SEC24B: variants seen among roughly 807,000 people sequenced by gnomAD.
SEC24B encodes the protein SEC24 homolog B, COPII component.
In SEC24B, 45 loss-of-function variants were observed where a neutral mutation model predicts 142.8. The ratio of observed to expected loss-of-function variants is 0.32; its 90% CI spans 0.25 to 0.40. The LOEUF (loss-of-function observed/expected upper bound fraction) is 0.40, where lower values mean the gene tolerates loss of function less well. Ranked by LOEUF, SEC24B falls within the 10% of genes least tolerant of loss-of-function variation. The pLI is 1.00. For synonymous variants in SEC24B, 574 were observed against 568.2 expected, an observed-to-expected ratio of 1.01 and a Z score of -0.15; for missense variants, 1,409 against 1,526.8, an observed-to-expected ratio of 0.92 and a Z score of 1.29.
chr4:109,525,376 T>C lies in SEC24B; in HGVS notation c.2663T>C (p.Ile888Thr), dbSNP rs1165496237. The C allele has an allele frequency of 6.2e-7, 1 of 1,609,374 alleles. No homozygotes were observed. Among genetic ancestry groups the C allele is most frequent in the African/African-American group, 1.3e-5 (1 of 74,880 alleles). The change falls in exon 16 of 24, where the codon ATC becomes ACC. Residue 888 changes from isoleucine (I) to threonine (T), a missense_variant. Around this residue, in one of 2 missense-constraint regions of SEC24B, gnomAD observed 700 missense variants for 853.3 expected, o/e 0.82. Coordinates refer to ENST00000265175, the MANE Select transcript of SEC24B (RefSeq NM_006323.5). ...ATGTCCAAGTATTCTGCAGGGTGCA[T>C]CTATTATTATCCATCATTCCACTAT... ...ACMSKYSAGC[I>T]YYYPSFHYTH... is the part of the protein sequence containing the mutation.
intron 3 of SEC24B, among the ~76,000 whole-genome samples, chr4:109,476,814 A>G (rs11930655): frequency 0.31 from 46,873 of 152,190 alleles, 12,050 homozygotes; most frequent in African/African-American, 0.71. Context: ...GGAAATTTAA[A>G]TTTAGAAAGG....
At chr4:109,440,280 G>T (rs1287415831) in intron 1 of SEC24B, among the ~76,000 whole-genome samples, 1 of 152,108 alleles carries the variant, frequency 6.6e-6, no homozygotes, top group Non-Finnish European at 1.5e-5. Flanking sequence ...GATTGTAGCA[G>T]TAATTAATTT....
chr4:109,436,300 G>T (rs1165011659), intron 1 of SEC24B, among the ~76,000 whole-genome samples: 1 of 151,908 alleles, frequency 6.6e-6, no homozygotes, highest in Non-Finnish European at 1.5e-5. Flanking sequence ...AAAAAAGTTT[G>T]CTACGTGGTA....
chr4:109,490,131 A>T (rs753816537), intron 4 of SEC24B, among the ~76,000 whole-genome samples: 2 of 152,138 alleles, frequency 1.3e-5, no homozygotes, highest in Non-Finnish European at 2.9e-5. Context: ...AGCATTTTGC[A>T]GAAGAGTTAT....
chr4:109,467,262 C>T (rs957620761), intron 2 of SEC24B, among the ~76,000 whole-genome samples: 1 of 145,744 alleles, frequency 6.9e-6, no homozygotes, highest in African/African-American at 2.5e-5. Context: ...GGAGGCGGAG[C>T]TTGCAGTGAG....
At chr4:109,469,476 A>G (rs1343589765) in intron 2 of SEC24B, among the ~76,000 whole-genome samples, 1 of 152,222 alleles carries the variant, frequency 6.6e-6, no homozygotes, top group Non-Finnish European at 1.5e-5. Flanking sequence ...ACACAAATGA[A>G]TGTAAAATTC....
intron 1 of SEC24B, among the ~76,000 whole-genome samples, chr4:109,447,830 T>G (rs1290527974): frequency 6.6e-6 from 1 of 152,148 alleles, no homozygotes; most frequent in East Asian, 1.9e-4. Context: ...CACCTATAGG[T>G]TAGAAGTCCA....
chr4:109,493,797 A>G (rs376142302), intron 5 of SEC24B, among the ~76,000 whole-genome samples: 1 of 152,036 alleles, frequency 6.6e-6, no homozygotes, highest in African/African-American at 2.4e-5. Flanking sequence ...GGGTTTTACC[A>G]TGTTGGCCAG....
intron 1 of SEC24B, among the ~76,000 whole-genome samples, chr4:109,447,098 T>G (rs1045597163): frequency 1.3e-5 from 2 of 152,204 alleles, no homozygotes; most frequent in Non-Finnish European, 2.9e-5. Flanking sequence ...TGAGCTGAGA[T>G]CTGAAGAATA....
intron 8 of SEC24B, 34 bp downstream of exon 8, chr4:109,510,145 G>T: frequency 1.7e-6 from 2 of 1,179,434 alleles, no homozygotes; most frequent in South Asian, 2.9e-5. Context: ...TATGGGTACT[G>T]ACATGTATGC....
chr4:109,460,305 A>G (rs1731121828), intron 1 of SEC24B, among the ~76,000 whole-genome samples: 1 of 152,176 alleles, frequency 6.6e-6, no homozygotes, highest in South Asian at 2.1e-4. Context: ...TTAATACATT[A>G]TTATGGCAAG....
intron 7 of SEC24B, among the ~76,000 whole-genome samples, chr4:109,507,606 A>C (rs1736834464): frequency 6.6e-6 from 1 of 151,416 alleles, no homozygotes; most frequent in Non-Finnish European, 1.5e-5. Flanking sequence ...TAGGAGAATT[A>C]GTGTTCTTTA....
intron 2 of SEC24B, among the ~76,000 whole-genome samples, chr4:109,470,178 G>A (rs1042390994): frequency 6.6e-6 from 1 of 152,166 alleles, no homozygotes; most frequent in Admixed American, 6.5e-5. Context: ...CATATTTTAG[G>A]AAAATTTGGC....
At position 109,538,570 on chromosome 4, in the gene SEC24B, A is replaced by C; in HGVS notation, c.3666A>C (p.Pro1222=). Reference sequence around the variant, plus strand: ...TAACTTGGCTTAGAGACAGCAGACCATTAAGTCCAATCCTTCACATAGTAA... The same window carrying C: ...TAACTTGGCTTAGAGACAGCAGACCCTTAAGTCCAATCCTTCACATAGTAA... ...SFITWLRDSR[P]LSPILHIVKD... The change falls in exon 23 of 24, where the codon CCA becomes CCC. Residue 1222 remains proline, a synonymous_variant. Coordinates refer to ENST00000265175, the MANE Select transcript of SEC24B (RefSeq NM_006323.5). 1 of 1,606,952 alleles carries C rather than the reference A, an allele frequency of 6.2e-7. No individual in the cohort carries two copies. Among genetic ancestry groups the C allele is most frequent in the Non-Finnish European group, 8.5e-7 (1 of 1,173,462 alleles).
At chr4:109,491,643 A>G (rs1313497325) in intron 5 of SEC24B, among the ~76,000 whole-genome samples, 1 of 152,122 alleles carries the variant, frequency 6.6e-6, no homozygotes, top group African/African-American at 2.4e-5. Context: ...TTTCTAAAAG[A>G]TTTTCAGTAG....
At chr4:109,527,550 AC>A in intron 18 of SEC24B, 118 bp downstream of exon 18, 1 of 677,558 alleles carries the variant, frequency 1.5e-6, no homozygotes, top group Non-Finnish European at 2.6e-6. Context: ...AGGCGGACGG[AC>A]CACGAGGTCA....
chr4:109,447,205 G>A (rs981050474), intron 1 of SEC24B, among the ~76,000 whole-genome samples: 1 of 152,072 alleles, frequency 6.6e-6, no homozygotes, highest in African/African-American at 2.4e-5. Flanking sequence ...AAGAAGCATG[G>A]CTTGAAAAAA....
intron 2 of SEC24B, among the ~76,000 whole-genome samples, chr4:109,465,089 C>T (rs1731720947): frequency 6.6e-6 from 1 of 152,176 alleles, no homozygotes; most frequent in Admixed American, 6.5e-5. Context: ...CTTCATTTTA[C>T]AGATCATTTG....
chr4:109,502,997 GT>G (rs1209287006), intron 6 of SEC24B, among the ~76,000 whole-genome samples: 2 of 149,404 alleles, frequency 1.3e-5, no homozygotes, highest in Non-Finnish European at 3.0e-5. Context: ...ATTTTAGTGT[GT>G]TTTTATTTTT....
Sources: gnomAD v4.1 joint callset for allele counts (sites outside exome capture counted in the v4.1 genomes callset) on GRCh38, gnomAD v4.1.1 for gene constraint, gnomAD v4.1.1 regional missense constraint, MANE v1.5 for transcripts, NCBI Gene and HGNC (gene_info 2026-07-23, HGNC 2026-07-21) for gene names.